PCDH15: variants seen among roughly 807,000 people sequenced by gnomAD.
PCDH15 encodes protocadherin related 15.
In PCDH15, 129 loss-of-function variants were observed where a neutral mutation model predicts 178.5. The observed-to-expected ratio is 0.72, with a 90% CI of 0.63 to 0.84. The LOEUF (loss-of-function observed/expected upper bound fraction) is 0.84. Among genes scored for constraint, PCDH15 ranks in the 40% least tolerant of loss-of-function variants. The pLI, the probability that PCDH15 is intolerant of heterozygous loss-of-function variation, is 0.00. For synonymous variants in PCDH15, 800 were observed against 732.0 expected (o/e 1.09, Z -1.50); for missense variants, 2,230 against 2,099.9 (o/e 1.06, Z -1.21).
intron 2 of PCDH15, among the ~76,000 whole-genome samples, chr10:54,955,362 A>C (rs373952194): frequency 6.6e-6 from 1 of 151,378 alleles, no homozygotes; most frequent in Non-Finnish European, 1.5e-5. Flanking sequence ...CAGATTTTAA[A>C]AACAACTCAA....
chr10:53,922,104 T>G (rs2610853), intron 25 of PCDH15, among the ~76,000 whole-genome samples: 7,131 of 152,194 alleles, frequency 0.047, 513 homozygotes, highest in African/African-American at 0.16. Flanking sequence ...TCAAGGTAGG[T>G]GTATTCAAAT....
At chr10:54,035,638 C>T (rs930088728) in intron 18 of PCDH15, among the ~76,000 whole-genome samples, 5 of 151,898 alleles carry the variant, frequency 3.3e-5, no homozygotes, top group Non-Finnish European at 7.4e-5. Flanking sequence ...TTGAGCCTTC[C>T]TATTCTCTGA....
chr10:54,058,938 C>A (rs765788580), intron 18 of PCDH15, among the ~76,000 whole-genome samples: 85 of 152,248 alleles, frequency 5.6e-4, no homozygotes, highest in Non-Finnish European at 1.1e-3. Flanking sequence ...AGATGATCCA[C>A]CCGCCTCGGC....
intron 25 of PCDH15, among the ~76,000 whole-genome samples, chr10:53,937,982 A>T (rs2134044921): frequency 6.6e-6 from 1 of 152,258 alleles, no homozygotes; most frequent in Non-Finnish European, 1.5e-5. Context: ...CTTAAACTGG[A>T]TTATCTTGAG....
At chr10:55,004,860 A>T (rs11004666) in intron 2 of PCDH15, among the ~76,000 whole-genome samples, 111,566 of 151,894 alleles carry the variant, frequency 0.73, 41,113 homozygotes, top group East Asian at 0.87. Flanking sequence ...AAGGACAATA[A>T]CTTTGAAATA....
intron 3 of PCDH15, among the ~76,000 whole-genome samples, chr10:54,434,059 A>T (rs1433072497): frequency 2.0e-5 from 3 of 152,196 alleles, no homozygotes; most frequent in Non-Finnish European, 4.4e-5. Flanking sequence ...TTAACAAAAA[A>T]ATTTAAATGT....
chr10:54,866,817 C>T (rs138253749), intron 3 of PCDH15, among the ~76,000 whole-genome samples: 1 of 152,176 alleles, frequency 6.6e-6, no homozygotes, highest in East Asian at 1.9e-4. Flanking sequence ...AACTTGGCAT[C>T]TGTAACAGAT....
At chr10:55,309,110 T>C (rs987907541) in intron 1 of PCDH15, among the ~76,000 whole-genome samples, 4 of 152,226 alleles carry the variant, frequency 2.6e-5, no homozygotes, top group Admixed American at 2.6e-4. Context: ...TAAAATCCAG[T>C]CATTGTAATT....
At chr10:55,473,139 C>T (rs1375989283) in intron 2 of PCDH15, among the ~76,000 whole-genome samples, 2 of 152,068 alleles carry the variant, frequency 1.3e-5, no homozygotes, top group Non-Finnish European at 2.9e-5. Context: ...GGACTGTTTA[C>T]TTTCTCTAAT....
intron 3 of PCDH15, among the ~76,000 whole-genome samples, chr10:54,393,333 T>C (rs896182049): frequency 6.6e-6 from 1 of 152,214 alleles, no homozygotes; most frequent in Non-Finnish European, 1.5e-5. Flanking sequence ...CAAAGTTTTC[T>C]TTCTCAAGAA....
At chr10:54,346,880 C>T (rs182267629) in intron 5 of PCDH15, among the ~76,000 whole-genome samples, 43 of 152,210 alleles carry the variant, frequency 2.8e-4, no homozygotes, top group Middle Eastern at 3.4e-3. Context: ...AAACGATTTA[C>T]GAGTGAGCAA....
At chr10:54,309,451 T>C (rs1395380072) in intron 8 of PCDH15, among the ~76,000 whole-genome samples, 1 of 151,878 alleles carries the variant, frequency 6.6e-6, no homozygotes, top group Non-Finnish European at 1.5e-5. Flanking sequence ...ACTTATTACA[T>C]AATAAACATA....
chr10:55,358,574 A>G (rs1244840961), intron 2 of PCDH15, among the ~76,000 whole-genome samples: 1 of 152,104 alleles, frequency 6.6e-6, no homozygotes, highest in East Asian at 1.9e-4. Context: ...GTAATAATAT[A>G]ATAGTTGCCA....
At chr10:54,651,419 G>C (rs527451121) in intron 2 of PCDH15, among the ~76,000 whole-genome samples, 1 of 152,244 alleles carries the variant, frequency 6.6e-6, no homozygotes, top group Non-Finnish European at 1.5e-5. Flanking sequence ...GAAAAGTACT[G>C]TTTTAGGAAA....
At chr10:55,413,695 G>A (rs1838402539) in intron 2 of PCDH15, among the ~76,000 whole-genome samples, 1 of 151,536 alleles carries the variant, frequency 6.6e-6, no homozygotes, top group Admixed American at 6.6e-5. Flanking sequence ...GATATACAAA[G>A]CATTTTTCAG....
intron 1 of PCDH15, among the ~76,000 whole-genome samples, chr10:55,314,010 A>G (rs1404873447): frequency 6.6e-6 from 1 of 151,942 alleles, no homozygotes; most frequent in Non-Finnish European, 1.5e-5. Context: ...TTTTAGGGTA[A>G]AGCAAATTTA....
At chr10:54,133,598 T>C (rs12255000) in intron 14 of PCDH15, among the ~76,000 whole-genome samples, 2,351 of 152,270 alleles carry the variant, frequency 0.015, 75 homozygotes, top group African/African-American at 0.054. Context: ...AGCTAGGAAT[T>C]AGATTTAATA....
intron 14 of PCDH15, among the ~76,000 whole-genome samples, chr10:54,146,948 GTGTATATATATATAA>G (rs1410484157): frequency 2.2e-5 from 3 of 135,926 alleles, no homozygotes; most frequent in Admixed American, 1.5e-4. Flanking sequence ...TATATATATA[GTGTATATATATATAA>G]TGTATATATA....
rs1840283249 is a variant in PCDH15, at chr10:55,485,838, C to T, written c.-156+141787G>A. 2.6e-5 allele frequency among the ~76,000 whole-genome samples: 4 copies of T among 151,650 alleles called. No homozygotes were observed. In the South Asian group the frequency reaches 8.3e-4, roughly 31 times the overall value. ...AGTATATTGAAGAGATACTTGCATT[C>T]CAATGTGATTTATGATAAACACTTG... On this transcript the variant is annotated intron_variant, in intron 2 of 5. Transcript: ENST00000613346.
Sources: gnomAD v4.1 joint callset for allele counts (sites outside exome capture counted in the v4.1 genomes callset) on GRCh38, gnomAD v4.1.1 for gene constraint, MANE v1.5 for transcripts, NCBI Gene and HGNC (gene_info 2026-07-23, HGNC 2026-07-21) for gene names.